The following MAGI2 variants were observed in gnomAD, a reference collection of about 807,000 sequenced individuals.
The protein encoded by MAGI2 is membrane-associated guanylate kinase, WW and PDZ domain-containing protein 2.
Under a neutral mutation model 133.3 loss-of-function variants are expected in MAGI2, and 35 were observed. The observed-to-expected ratio is 0.26, with a 90% CI of 0.20 to 0.35. MAGI2 has a LOEUF of 0.35. Among genes scored for constraint, MAGI2 ranks in the 10% least tolerant of loss-of-function variants. MAGI2 has a pLI of 1.00. For synonymous variants in MAGI2, 729 were observed against 710.6 expected, an observed-to-expected ratio of 1.03 and a Z score of -0.41; for missense variants, 1,636 against 1,863.4, an observed-to-expected ratio of 0.88 and a Z score of 2.25.
At chr7:79,421,140 T>G (rs577642021) in intron 1 of MAGI2, among the ~76,000 whole-genome samples, 8 of 152,074 alleles carry the variant, frequency 5.3e-5, no homozygotes, top group African/African-American at 1.4e-4. Context: ...AAGAAGTAAA[T>G]GTCACAATGC....
At chr7:78,941,728 T>TCACACACACACACACACA (rs3068585) in intron 2 of MAGI2, among the ~76,000 whole-genome samples, 3 of 123,382 alleles carry the variant, frequency 2.4e-5, no homozygotes, top group African/African-American at 5.9e-5. Context: ...GCCTATTTCA[T>TCACACACACACACACACA]CACACACACA....
At chr7:78,386,809 A>G (rs1005721379) in intron 6 of MAGI2, among the ~76,000 whole-genome samples, 1 of 152,206 alleles carries the variant, frequency 6.6e-6, no homozygotes, top group Non-Finnish European at 1.5e-5. Context: ...CAGGGTAGCC[A>G]AACGGAGAGC....
At chr7:78,301,986 C>T (rs1797871157) in intron 9 of MAGI2, among the ~76,000 whole-genome samples, 1 of 152,132 alleles carries the variant, frequency 6.6e-6, no homozygotes. Context: ...TGATCTAATG[C>T]ACGTAGAGCC....
chr7:78,019,224 G>T lies in MAGI2; in HGVS notation c.*91C>A. The T allele has an allele frequency of 7.0e-7, 1 of 1,424,698 alleles. No homozygotes were observed. Among genetic ancestry groups the T allele is most frequent in the Non-Finnish European group, 9.5e-7 (1 of 1,054,270 alleles). The allele number at this position is 1,424,698 out of a possible 1,614,324, so 88.3% of individuals were successfully genotyped here. A position where few individuals can be genotyped will look rare whatever the true frequency, so the allele number is the denominator to read the frequency against. ...CTTGGTGCCTCGTGGATCTATGCGT[G>T]TGACAGTGAAAATAAATTAAAACGC... On this transcript the variant is annotated 3_prime_UTR_variant, in exon 22 of 22. Coordinates refer to ENST00000354212, the MANE Select transcript of MAGI2 (RefSeq NM_012301.4).
At chr7:79,409,791 A>T (rs1188775137) in intron 1 of MAGI2, among the ~76,000 whole-genome samples, 1 of 152,078 alleles carries the variant, frequency 6.6e-6, no homozygotes, top group East Asian at 1.9e-4. Flanking sequence ...TAGAAAGTTT[A>T]CTAGCATTAT....
chr7:78,753,874 A>G (rs946072876), intron 2 of MAGI2, among the ~76,000 whole-genome samples: 11 of 152,028 alleles, frequency 7.2e-5, no homozygotes, highest in East Asian at 3.9e-4. Context: ...GGAGGCCAGA[A>G]AAGTCGGGTG....
chr7:78,930,794 G>A (rs1340835801), intron 2 of MAGI2, among the ~76,000 whole-genome samples: 2 of 152,066 alleles, frequency 1.3e-5, no homozygotes, highest in African/African-American at 2.4e-5. Flanking sequence ...GAGAATGGGA[G>A]ATCCTAACAG....
intron 2 of MAGI2, among the ~76,000 whole-genome samples, chr7:78,960,323 C>T (rs1020335010): frequency 5.3e-5 from 8 of 152,058 alleles, no homozygotes; most frequent in African/African-American, 1.7e-4. Flanking sequence ...TAACGTAGAA[C>T]AGGTAATGTG....
intron 1 of MAGI2, among the ~76,000 whole-genome samples, chr7:79,256,075 T>C (rs1170894679): frequency 3.3e-5 from 5 of 152,194 alleles, no homozygotes; most frequent in Non-Finnish European, 2.9e-5. Flanking sequence ...AAGGGTCATA[T>C]AGATTAGGAA....
intron 2 of MAGI2, among the ~76,000 whole-genome samples, chr7:78,755,688 T>C (rs542611175): frequency 6.6e-6 from 1 of 152,320 alleles, no homozygotes; most frequent in East Asian, 1.9e-4. Flanking sequence ...TTGGTGGAAC[T>C]TGTAACTCCT....
At chr7:79,073,841 A>G (rs547621716) in intron 1 of MAGI2, among the ~76,000 whole-genome samples, 5 of 150,004 alleles carry the variant, frequency 3.3e-5, no homozygotes, top group South Asian at 4.3e-4. Context: ...CCTCTCAGCT[A>G]TCTCAGAGCT....
intron 5 of MAGI2, among the ~76,000 whole-genome samples, chr7:78,498,443 T>A (rs1563086018): frequency 6.6e-6 from 1 of 152,196 alleles, no homozygotes; most frequent in Non-Finnish European, 1.5e-5. Context: ...GCAAAGGTTC[T>A]CACAGATCAA....
chr7:78,228,141 G>C (rs555577517), intron 10 of MAGI2, among the ~76,000 whole-genome samples: 1 of 152,136 alleles, frequency 6.6e-6, no homozygotes, highest in Admixed American at 6.5e-5. Context: ...TTACAAAAGA[G>C]TATTCTTCTT....
intron 2 of MAGI2, among the ~76,000 whole-genome samples, chr7:78,655,086 G>T (rs886348533): frequency 6.6e-6 from 1 of 151,022 alleles, no homozygotes; most frequent in African/African-American, 2.4e-5. Context: ...AAAATATCTT[G>T]TGTATACCAT....
chr7:78,984,170 A>G (rs564403619), intron 2 of MAGI2, among the ~76,000 whole-genome samples: 1 of 152,048 alleles, frequency 6.6e-6, no homozygotes, highest in East Asian at 2.0e-4. Context: ...CAATTTATCC[A>G]AAATCTGACC....
chr7:78,442,817 T>C (rs895232337), intron 6 of MAGI2, among the ~76,000 whole-genome samples: 2 of 152,196 alleles, frequency 1.3e-5, no homozygotes, highest in Admixed American at 1.3e-4. Flanking sequence ...ATTCACTGTT[T>C]TTGAAAATAC....
At chr7:78,244,860 C>T (rs183964279) in intron 10 of MAGI2, among the ~76,000 whole-genome samples, 88 of 151,944 alleles carry the variant, frequency 5.8e-4, no homozygotes, top group African/African-American at 1.8e-3. Flanking sequence ...AAATTTATTA[C>T]CCATTTTTGA....
chr7:78,527,572 C>T (rs1797086253), intron 3 of MAGI2, among the ~76,000 whole-genome samples: 1 of 152,172 alleles, frequency 6.6e-6, no homozygotes, highest in African/African-American at 2.4e-5. Flanking sequence ...TTCTGAGATG[C>T]ACCATGTTCT....
At chr7:78,938,116 G>A (rs898300722) in intron 2 of MAGI2, among the ~76,000 whole-genome samples, 1 of 151,854 alleles carries the variant, frequency 6.6e-6, no homozygotes, top group Admixed American at 6.6e-5. Flanking sequence ...AACAACAAAA[G>A]TCGGGGAAAA....
Sources: gnomAD v4.1 joint callset for allele counts (sites outside exome capture counted in the v4.1 genomes callset) on GRCh38, gnomAD v4.1.1 for gene constraint, MANE v1.5 for transcripts, NCBI Gene and HGNC (gene_info 2026-07-23, HGNC 2026-07-21) for gene names.